Variants in SLC24A2 observed in about 807,000 individuals in gnomAD.
SLC24A2 encodes the protein sodium/potassium/calcium exchanger 2.
Under a neutral mutation model 62.0 loss-of-function variants are expected in SLC24A2, and 36 were observed. The ratio of observed to expected loss-of-function variants is 0.58; its 90% CI spans 0.44 to 0.77. SLC24A2 has a LOEUF of 0.77. SLC24A2 is among the 30% of genes least tolerant of loss of function. SLC24A2 has a pLI of 0.00. For missense variants in SLC24A2, 846 were observed against 817.9 expected (o/e 1.03, Z -0.42); for synonymous variants, 358 against 294.0 (o/e 1.22, Z -2.23).
intron 2 of SLC24A2, among the ~76,000 whole-genome samples, chr9:19,687,666 TTG>T (rs1819924026): frequency 1.3e-5 from 2 of 152,092 alleles, no homozygotes; most frequent in African/African-American, 4.8e-5. Flanking sequence ...ACCTTTACAC[TTG>T]ACTTTGGTAC....
the SLC24A2 span, among the ~76,000 whole-genome samples, chr9:19,860,429 A>G: frequency 4.6e-5 from 7 of 152,098 alleles, no homozygotes; most frequent in African/African-American, 1.7e-4. Flanking sequence ...CCTCTGACTA[A>G]CCAGCAGTGA....
chr9:20,150,513 G>A, the SLC24A2 span, among the ~76,000 whole-genome samples: 2 of 149,452 alleles, frequency 1.3e-5, no homozygotes, highest in Non-Finnish European at 2.9e-5. Context: ...GTAAACTGCT[G>A]GAATCTTTCT....
chr9:19,841,748 C>T, the SLC24A2 span, among the ~76,000 whole-genome samples: 2 of 152,194 alleles, frequency 1.3e-5, no homozygotes, highest in Non-Finnish European at 2.9e-5. Context: ...TGGACACAGA[C>T]TGCAGATATT....
chr9:19,658,978 G>A (rs767011483), intron 2 of SLC24A2, among the ~76,000 whole-genome samples: 5 of 152,132 alleles, frequency 3.3e-5, no homozygotes, highest in Non-Finnish European at 7.3e-5. Context: ...GAACTCTACT[G>A]TTTACAAGTT....
In SLC24A2 at chr9:19,510,427, C is replaced by CTTTTTTTTTTTTTTTTTTTT; in HGVS notation, c.*5725_*5726insAAAAAAAAAAAAAAAAAAAA. ...AGTGAAGAGTGCCCAGATGCAGTTA[C>CTTTTTTTTTTTTTTTTTTTT]TTTTTGCCAAAAAAAAAAAAAAAAA... On this transcript the variant is annotated 3_prime_UTR_variant, in exon 11 of 11. Transcript: ENST00000341998. 1 of 82,116 alleles carries CTTTTTTTTTTTTTTTTTTTT rather than the reference C, an allele frequency of 1.2e-5. No individual in the cohort carries two copies. The highest frequency in any genetic ancestry group is 2.3e-5 in the Non-Finnish European group (1 of 43,228). 5.1% of individuals were successfully genotyped at this position (82,116 alleles called of 1,614,324 possible). A position where few individuals can be genotyped will look rare whatever the true frequency, so the allele number is the denominator to read the frequency against.
rs572919824 is a variant in SLC24A2, at chr9:19,525,391, C to CTTTTTTTT, written c.1569+2650_1569+2657dup. The stretch of plus-strand genomic sequence containing the variant: ...AAGGTTTTTTTTTCCTATTTCTTTA[C>CTTTTTTTT]TTTTTTTTTTTTTTTTTTTTTTTTT... On this transcript the variant is annotated intron_variant, in intron 9 of 10. Coordinates refer to ENST00000341998, the MANE Select transcript of SLC24A2 (RefSeq NM_020344.4). 8.8e-3 allele frequency among the ~76,000 whole-genome samples: 672 copies of CTTTTTTTT among 76,304 alleles called. 59 individuals are homozygous for CTTTTTTTT. The highest frequency in any genetic ancestry group is 0.024 in the Middle Eastern group (2 of 84). The allele number at this position is 76,304 out of a possible 152,430, so 50.1% of individuals were successfully genotyped here. A position where few individuals can be genotyped will look rare whatever the true frequency, so the allele number is the denominator to read the frequency against.
intron 2 of SLC24A2, among the ~76,000 whole-genome samples, chr9:19,780,740 G>A (rs1457467499): frequency 6.6e-6 from 1 of 151,676 alleles, no homozygotes; most frequent in Non-Finnish European, 1.5e-5. Flanking sequence ...GGGCGCGGTG[G>A]CAGGCACCTG....
chr9:19,693,340 CATTT>C (rs1383349074), intron 2 of SLC24A2, among the ~76,000 whole-genome samples: 3 of 152,248 alleles, frequency 2.0e-5, no homozygotes, highest in Admixed American at 6.5e-5. Context: ...TCTGATCATT[CATTT>C]GTCTATATAT....
the SLC24A2 span, among the ~76,000 whole-genome samples, chr9:19,911,810 TCA>T: frequency 6.6e-6 from 1 of 152,152 alleles, no homozygotes; most frequent in Non-Finnish European, 1.5e-5. Flanking sequence ...ACCATCGCTA[TCA>T]CTTGTCTAGA....
chr9:20,184,354 A>G, the SLC24A2 span, among the ~76,000 whole-genome samples: 7 of 152,144 alleles, frequency 4.6e-5, no homozygotes, highest in African/African-American at 7.2e-5. Flanking sequence ...AAACGAGACC[A>G]TCCTGGCCAA....
At chr9:20,289,068 A>T in the SLC24A2 span, among the ~76,000 whole-genome samples, 1 of 152,160 alleles carries the variant, frequency 6.6e-6, no homozygotes, top group African/African-American at 2.4e-5. Flanking sequence ...ACCCCAGCTG[A>T]CATTAAGTGA....
the SLC24A2 span, among the ~76,000 whole-genome samples, chr9:19,831,036 G>T: frequency 6.6e-6 from 1 of 152,158 alleles, no homozygotes; most frequent in Non-Finnish European, 1.5e-5. Context: ...GGAAGGAAAG[G>T]AAAGGAAAGG....
At chr9:19,898,741 C>CAAAAA in the SLC24A2 span, among the ~76,000 whole-genome samples, 277 of 97,066 alleles carry the variant, frequency 2.9e-3, 5 homozygotes, top group East Asian at 0.034. Flanking sequence ...GACTCCATCT[C>CAAAAA]AAAAAAAAAA....
In SLC24A2 at chr9:19,528,145, G is replaced by A. The variant is rs934775831; in HGVS notation, c.1480-7C>T. On this transcript the variant is annotated splice_polypyrimidine_tract_variant and splice_region_variant and intron_variant, in intron 8 of 10. Transcript: ENST00000341998. ...GAAAAAACTTCCTCGATGACTGAAA[G>A]ACAACCAGGAAGAGTTGAGAATATC... 6.5e-7 allele frequency: 1 copy of A among 1,549,782 alleles called. No homozygotes were observed. Among genetic ancestry groups the A allele is most frequent in the Non-Finnish European group, 8.8e-7 (1 of 1,135,568 alleles).
At chr9:20,167,868 A>T in the SLC24A2 span, among the ~76,000 whole-genome samples, 1 of 150,380 alleles carries the variant, frequency 6.6e-6, no homozygotes, top group East Asian at 2.0e-4. Flanking sequence ...TACAGCCATG[A>T]GCCACCATGC....
chr9:20,072,981 C>T, the SLC24A2 span, among the ~76,000 whole-genome samples: 1 of 152,158 alleles, frequency 6.6e-6, no homozygotes, highest in East Asian at 1.9e-4. Flanking sequence ...GAAGGTAACA[C>T]AGAGACATCA....
At chr9:19,874,466 T>A in the SLC24A2 span, among the ~76,000 whole-genome samples, 2 of 152,208 alleles carry the variant, frequency 1.3e-5, no homozygotes, top group African/African-American at 4.8e-5. Context: ...AAGTAGAATT[T>A]GATTCTGAAG....
the SLC24A2 span, among the ~76,000 whole-genome samples, chr9:19,985,208 T>C: frequency 1.3e-5 from 2 of 152,308 alleles, no homozygotes; most frequent in East Asian, 3.9e-4. Flanking sequence ...AACATGTATT[T>C]ACCATATGAT....
intron 2 of SLC24A2, among the ~76,000 whole-genome samples, chr9:19,714,314 G>T (rs895840241): frequency 6.6e-6 from 1 of 152,144 alleles, no homozygotes; most frequent in African/African-American, 2.4e-5. Context: ...TCCAGATGGG[G>T]TGCAGCACTC....
Sources: allele counts gnomAD v4.1 joint callset (sites outside exome capture counted in the v4.1 genomes callset), GRCh38; gene constraint gnomAD v4.1.1; transcripts MANE v1.5; gene names NCBI Gene and HGNC (gene_info 2026-07-23, HGNC 2026-07-21).